Variants in GXYLT1 observed in about 807,000 individuals in gnomAD.
The protein encoded by GXYLT1 is glycosyltransferase 8 domain containing 3.
Under a neutral mutation model 54.0 loss-of-function variants are expected in GXYLT1, and 29 were observed. The observed-to-expected ratio is 0.54, with a 90% CI of 0.40 to 0.73. The LOEUF is 0.73. GXYLT1 is among the 30% of genes least tolerant of loss of function. GXYLT1 has a pLI of 0.00. For synonymous variants in GXYLT1, 176 were observed against 204.1 expected (o/e 0.86, Z 1.17); for missense variants, 490 against 553.4 (o/e 0.89, Z 1.15).
Position 42,129,761 on chromosome 12 carries a change from A to C in GXYLT1, c.312T>G (p.Phe104Leu). 6.2e-7 allele frequency: 1 copy of C among 1,609,890 alleles called. No individual in the cohort carries two copies. The highest frequency in any genetic ancestry group is 1.1e-5 in the South Asian group (1 of 90,992). ...CCAATTAAATATTAAGTGCCTACCT[A>C]AAAGCCGCTTCCCAAAAGCAGTTCA... Reference protein sequence around the residue: ...CGMNCFWEAAFRYSLKIQPVE... With the variant: ...CGMNCFWEAALRYSLKIQPVE... The change falls in exon 2 of 8, where the codon TTT (phenylalanine) becomes TTG (leucine). Residue 104 changes from phenylalanine (F) to leucine (L), a missense_variant and splice_region_variant. By Grantham distance (22) the Phe-to-Leu change is conservative. This residue lies in a region of GXYLT1 where 148 missense variants were observed against 210.7 expected (regional missense o/e 0.70). Coordinates refer to ENST00000398675, the MANE Select transcript of GXYLT1 (RefSeq NM_173601.2).
At chr12:42,122,045 C>A (rs900283025) in intron 2 of GXYLT1, among the ~76,000 whole-genome samples, 1 of 152,018 alleles carries the variant, frequency 6.6e-6, no homozygotes, top group South Asian at 2.1e-4. Context: ...AATTGAATGG[C>A]GGAATCTTGC....
At chr12:42,102,593 CA>C (rs911442595) in intron 5 of GXYLT1, among the ~76,000 whole-genome samples, 4 of 151,686 alleles carry the variant, frequency 2.6e-5, no homozygotes, top group African/African-American at 9.7e-5. Context: ...AGCAAACAGA[CA>C]AAAAAATACT....
chr12:42,116,398 AT>A (rs2065495088), intron 3 of GXYLT1, among the ~76,000 whole-genome samples: 1 of 152,342 alleles, frequency 6.6e-6, no homozygotes, highest in East Asian at 1.9e-4. Context: ...AAGGGCTAAT[AT>A]CCAGAATCTA....
chr12:42,087,717 A>G lies in GXYLT1; in HGVS notation c.*69T>C. 1 of 1,176,404 alleles carries G rather than the reference A, an allele frequency of 8.5e-7. No homozygotes were observed. Among genetic ancestry groups the G allele is most frequent in the Non-Finnish European group, 1.2e-6 (1 of 839,748 alleles). 72.9% of individuals were successfully genotyped at this position (1,176,404 alleles called of 1,614,324 possible). On this transcript the variant is annotated 3_prime_UTR_variant, in exon 8 of 8. Transcript: ENST00000398675. ...TAATTCCTTCCTGAATACTTCATCC[A>G]AGACGATTCCTTCACACTTATCTTC...
At chr12:42,136,044 A>T (rs1488932890) in intron 1 of GXYLT1, among the ~76,000 whole-genome samples, 2 of 152,204 alleles carry the variant, frequency 1.3e-5, no homozygotes, top group Non-Finnish European at 2.9e-5. Context: ...AAATCATAAA[A>T]CACTTAGGTA....
At chr12:42,122,944 ACAATATCC>A (rs776816234) in intron 2 of GXYLT1, among the ~76,000 whole-genome samples, 4 of 152,210 alleles carry the variant, frequency 2.6e-5, no homozygotes, top group Non-Finnish European at 5.9e-5. Context: ...AAAGAAGAAC[ACAATATCC>A]CATGCAGTAA....
chr12:42,135,876 C>T (rs1473541042), intron 1 of GXYLT1, among the ~76,000 whole-genome samples: 3 of 152,068 alleles, frequency 2.0e-5, no homozygotes. Flanking sequence ...AGGTTTAATG[C>T]AGTCAAAATT....
chr12:42,112,298 T>C (rs1374811296), intron 3 of GXYLT1, among the ~76,000 whole-genome samples: 1 of 152,174 alleles, frequency 6.6e-6, no homozygotes, highest in African/African-American at 2.4e-5. Context: ...AGATGGAGAA[T>C]GACTTTGACA....
intron 7 of GXYLT1, 96 bp downstream of exon 7, chr12:42,097,346 G>T: frequency 2.3e-6 from 2 of 863,766 alleles, no homozygotes; most frequent in Non-Finnish European, 3.4e-6. Flanking sequence ...GAGGCTGAGT[G>T]TGTGTAAAAA....
At position 42,119,153 on chromosome 12, in the gene GXYLT1, C is replaced by G. The variant is rs373776226; in HGVS notation, c.333G>C (p.Gln111His). ...CAGCTAGATGCATTTTCTCAACAGG[C>G]TGTATTTTCAGACTGTACCTAATAG... ...EAAFRYSLKI[Q>H]PVEKMHLAVV... Residue 111 changes from glutamine to histidine, a missense_variant, in exon 3 of 8, where the codon CAG (glutamine) becomes CAC (histidine). Coordinates refer to ENST00000398675, the MANE Select transcript of GXYLT1 (RefSeq NM_173601.2). The G allele has an allele frequency of 3.7e-6, 6 of 1,614,048 alleles. No homozygotes were observed. Among genetic ancestry groups the G allele is most frequent in the Non-Finnish European group, 5.1e-6 (6 of 1,179,896 alleles).
At chr12:42,143,516 C>T (rs1000607674) in intron 1 of GXYLT1, among the ~76,000 whole-genome samples, 8 of 152,188 alleles carry the variant, frequency 5.3e-5, no homozygotes, top group African/African-American at 1.9e-4. Flanking sequence ...ACTCCCTCTT[C>T]CGACAAACCC....
intron 1 of GXYLT1, among the ~76,000 whole-genome samples, chr12:42,137,503 C>CAAAAAAAAAAA: frequency 1.4e-5 from 1 of 71,670 alleles, no homozygotes; most frequent in Non-Finnish European, 2.5e-5. Context: ...GCATCTGTTT[C>CAAAAAAAAAAA]AAAAAAAAAA....
chr12:42,097,642 A>G (rs767914509), intron 6 of GXYLT1, 28 bp from the exon 7 acceptor site: 12 of 1,571,318 alleles, frequency 7.6e-6, no homozygotes, highest in Admixed American at 1.9e-5. Context: ...CAAACAATGA[A>G]GCAAATACCC....
chr12:42,099,816 A>T (rs187862606), intron 5 of GXYLT1, among the ~76,000 whole-genome samples: 182 of 152,312 alleles, frequency 1.2e-3, no homozygotes, highest in African/African-American at 4.2e-3. Context: ...GTGCCACTGC[A>T]CTCCGGCATG....
chr12:42,126,547 G>A (rs1281277578), intron 2 of GXYLT1, among the ~76,000 whole-genome samples: 1 of 152,190 alleles, frequency 6.6e-6, no homozygotes, highest in Non-Finnish European at 1.5e-5. Flanking sequence ...CCATTGACAT[G>A]AGAAATATGA....
At chr12:42,134,498 C>T (rs1431355330) in intron 1 of GXYLT1, among the ~76,000 whole-genome samples, 1 of 152,108 alleles carries the variant, frequency 6.6e-6, no homozygotes, top group African/African-American at 2.4e-5. Context: ...TTTGTAGAGA[C>T]AAAGTTTTGC....
intron 5 of GXYLT1, among the ~76,000 whole-genome samples, chr12:42,098,951 G>A (rs2065374160): frequency 6.6e-6 from 1 of 151,888 alleles, no homozygotes; most frequent in Non-Finnish European, 1.5e-5. Flanking sequence ...CACCATGAAT[G>A]ACATATAAAG....
chr12:42,118,890 T>C (rs1006609745), intron 3 of GXYLT1, 110 bp downstream of exon 3: 3 of 777,908 alleles, frequency 3.9e-6, no homozygotes. Flanking sequence ...AATTACCAAG[T>C]CTCAGGTAGT....
intron 1 of GXYLT1, among the ~76,000 whole-genome samples, chr12:42,138,096 T>C (rs998395314): frequency 1.3e-5 from 2 of 151,930 alleles, no homozygotes; most frequent in African/African-American, 4.8e-5. Context: ...GGGGAAACCC[T>C]ATCTCTACTA....
Sources: allele counts gnomAD v4.1 joint callset (sites outside exome capture counted in the v4.1 genomes callset), GRCh38; gene constraint gnomAD v4.1.1; regional missense constraint gnomAD v4.1.1; transcripts MANE v1.5; gene names NCBI Gene and HGNC (gene_info 2026-07-23, HGNC 2026-07-21).